Variants in FXR2 observed in about 807,000 individuals in gnomAD.
FXR2 encodes the protein FMR1 autosomal homolog 2.
Under a neutral mutation model 87.3 loss-of-function variants are expected in FXR2, and 9 were observed. The observed-to-expected ratio is 0.10, with a 90% confidence interval of 0.06 to 0.18. FXR2 has a LOEUF of 0.18. FXR2 is among the 10% of genes least tolerant of loss of function. The pLI is 1.00. For synonymous variants in FXR2, 331 were observed against 328.3 expected (o/e 1.01, Z -0.09); for missense variants, 661 against 893.6 (o/e 0.74, Z 3.32).
rs1329987957 is a variant in FXR2, at chr17:7,595,276, G to A, written c.832-519C>T. 6.6e-6 allele frequency among the ~76,000 whole-genome samples: 1 copy of A among 151,958 alleles called. No homozygotes were observed. The highest frequency in any genetic ancestry group is 2.4e-5 in the African/African-American group (1 of 41,374). ...CAACCAGCTTGGGCAACAGAGATCT[G>A]GTCTATTTTTTTGATTTTTTGGTCT... is the stretch of plus-strand genomic sequence containing the variant. On this transcript the variant is annotated intron_variant, in intron 8 of 16. Transcript: ENST00000250113. This position sits in a 1 kb window ranked among gnomAD's most constrained non-coding sequence, Gnocchi z 4.7.
At chr17:7,610,615 T>A (rs2071855625) in intron 1 of FXR2, among the ~76,000 whole-genome samples, 2 of 152,232 alleles carry the variant, frequency 1.3e-5, no homozygotes, top group Admixed American at 1.3e-4. Context: ...CCCAACTTCA[T>A]ATTCCAATCC....
Position 7,592,604 on chromosome 17 carries a change from A to T in FXR2, c.1730-5T>A, listed in dbSNP as rs1313044486. 6.2e-7 allele frequency: 1 copy of T among 1,613,566 alleles called. No homozygotes were observed. Among genetic ancestry groups the T allele is most frequent in the Non-Finnish European group, 8.5e-7 (1 of 1,179,722 alleles). On this transcript the variant is annotated splice_polypyrimidine_tract_variant and splice_region_variant and intron_variant, in intron 14 of 16. Coordinates refer to ENST00000250113, the MANE Select transcript of FXR2 (RefSeq NM_004860.4). This position sits in a 1 kb window ranked among gnomAD's most constrained non-coding sequence, Gnocchi z 4.8. ...GTTGAGGTCTTGATTCATCTTCTGT[A>T]GGGTAGGAAAAAACCAGAGTCACAC...
At position 7,614,595 on chromosome 17, in the gene FXR2, G is replaced by A. The variant is rs1367811035; in HGVS notation, c.-63C>T. The A allele has an allele frequency of 1.9e-6, 2 of 1,069,864 alleles. No homozygotes were observed. The highest frequency in any genetic ancestry group is 6.5e-5 in the East Asian group (2 of 30,642). 66.3% of individuals were successfully genotyped at this position (1,069,864 alleles called of 1,614,324 possible). ...GCAGCAGCAGTCTGAGTGCGGGCCG[G>A]GCCAGGCCCCCGGCGTCTCCCCGGA... On this transcript the variant is annotated 5_prime_UTR_variant, in exon 1 of 17. Transcript: ENST00000250113.
rs760629892 is a variant in FXR2 at position 7,605,753 on chromosome 17, A to G, written c.135-15T>C. 7.0e-7 allele frequency: 1 copy of G among 1,425,810 alleles called. No individual in the cohort carries two copies. The highest frequency in any genetic ancestry group is 1.2e-5 in the South Asian group (1 of 84,228). The allele number at this position is 1,425,810 out of a possible 1,614,324, so 88.3% of individuals were successfully genotyped here. On this transcript the variant is annotated splice_polypyrimidine_tract_variant and intron_variant, in intron 2 of 16. Transcript: ENST00000250113. ...CACTCTGCCAGCTATAATAGAAACAATAATATGAAAAAGCTACTCTGACTG... is the reference window on the plus strand; with the variant it reads ...CACTCTGCCAGCTATAATAGAAACAGTAATATGAAAAAGCTACTCTGACTG...
rs535489419 is a variant in FXR2, at chr17:7,611,104, C to T, written c.81+3348G>A. Among the ~76,000 whole-genome samples the T allele has an allele frequency of 2.6e-5, 4 of 152,190 alleles. No homozygotes were observed. In the South Asian group the frequency reaches 6.2e-4, roughly 24 times the overall value. On this transcript the variant is annotated intron_variant, in intron 1 of 16. Coordinates refer to ENST00000250113, the MANE Select transcript of FXR2 (RefSeq NM_004860.4). ...TGAGGTTTGGAGTAGGAAGATTGCG[C>T]CCTGGACGGTGAATACTTCATTTGG...
At chr17:7,600,453 A>G (rs912740879) in intron 7 of FXR2, among the ~76,000 whole-genome samples, 4 of 152,094 alleles carry the variant, frequency 2.6e-5, no homozygotes, top group South Asian at 2.1e-4. Context: ...CCAAAGTGCT[A>G]AAGTGCTGCG....
chr17:7,603,302 C>A (rs546058075), intron 5 of FXR2, among the ~76,000 whole-genome samples: 3 of 151,220 alleles, frequency 2.0e-5, no homozygotes, highest in South Asian at 4.2e-4. Flanking sequence ...CTGAGGCAGG[C>A]GGATCACTTG....
Position 7,595,975 on chromosome 17 carries a change from G to A in FXR2, c.680C>T (p.Ala227Val). 2 of 1,613,156 alleles carry A rather than the reference G, an allele frequency of 1.2e-6. No homozygotes were observed. Among genetic ancestry groups the A allele is most frequent in the Middle Eastern group, 1.7e-4 (1 of 6,060 alleles). Residue 227 changes from alanine (A) to valine (V), a missense_variant, in exon 8 of 17, where the codon GCA becomes GTA. Around this residue, in one of 3 missense-constraint regions of FXR2, gnomAD observed 82 missense variants for 214.4 expected, o/e 0.38. Coordinates refer to ENST00000250113, the MANE Select transcript of FXR2 (RefSeq NM_004860.4). This position sits in a 1 kb window ranked among gnomAD's most constrained non-coding sequence, Gnocchi z 4.7. The part of the protein sequence containing the change: ...KHLETSKQLA[A>V]AFQEEFTVRE... ...CACTGTGAACTCCTCTTGGAAGGCT[G>A]CTGCCAACTGCTTGCTTGTCTGAAA...
rs1176889952 is a variant in FXR2 at position 7,595,380 on chromosome 17, G to A, written c.831+444C>T. Among the ~76,000 whole-genome samples, 2 of 152,152 alleles carry A rather than the reference G, an allele frequency of 1.3e-5. No homozygotes were observed. Among genetic ancestry groups the A allele is most frequent in the African/African-American group, 4.8e-5 (2 of 41,440 alleles). On this transcript the variant is annotated intron_variant, in intron 8 of 16. Transcript: ENST00000250113. The surrounding 1 kb of genome is among the most constrained non-coding windows in gnomAD (Gnocchi z 4.7). ...TGCAGCCTTGACTTTCCAGGCTCAA[G>A]TGATCCTCCTGCCTCCGCCTCCCAA...
At chr17:7,606,355 G>A (rs1366510076) in intron 1 of FXR2, among the ~76,000 whole-genome samples, 1 of 152,096 alleles carries the variant, frequency 6.6e-6, no homozygotes, top group African/African-American at 2.4e-5. Context: ...TCATGGAGAG[G>A]TGTATGTACC....
intron 5 of FXR2, among the ~76,000 whole-genome samples, chr17:7,603,544 A>AAT (rs1422734636): frequency 3.3e-5 from 5 of 149,254 alleles, no homozygotes; most frequent in African/African-American, 1.2e-4. Context: ...AAAAAAAAAA[A>AAT]GAAAGAAAGG....
intron 6 of FXR2, among the ~76,000 whole-genome samples, chr17:7,601,995 G>A (rs1036088422): frequency 3.3e-5 from 5 of 152,178 alleles, no homozygotes; most frequent in African/African-American, 1.2e-4. Context: ...GACTATCAGG[G>A]TACTGAAGGA....
At chr17:7,608,294 T>C (rs1412980860) in intron 1 of FXR2, among the ~76,000 whole-genome samples, 1 of 151,598 alleles carries the variant, frequency 6.6e-6, no homozygotes, top group Admixed American at 6.6e-5. Context: ...GCACTGTCTG[T>C]TGAAGACTAT....
intron 1 of FXR2, among the ~76,000 whole-genome samples, chr17:7,609,974 G>GTATATATATA (rs1567753882): frequency 1.1e-5 from 1 of 94,730 alleles, no homozygotes; most frequent in Non-Finnish European, 2.6e-5. Context: ...ACATGTATAT[G>GTATATATATA]TATACATATA....
intron 6 of FXR2, among the ~76,000 whole-genome samples, chr17:7,602,030 A>G (rs1157505237): frequency 5.3e-5 from 8 of 152,216 alleles, no homozygotes. Context: ...GAAAGCAAGG[A>G]GCAAGCATAA....
rs774775998 is a variant in FXR2, at chr17:7,592,744, A to T, written c.1679T>A (p.Met560Lys). Reference protein sequence around the residue: ...RRRTDEDRTVMDGGLESDGPN... With the variant: ...RRRTDEDRTVKDGGLESDGPN... Reference sequence around the variant, plus strand: ...CCCATCTGATTCCAGGCCTCCATCCATGACGGTCCTGTCTTCATCAGTGCG... The same window carrying T: ...CCCATCTGATTCCAGGCCTCCATCCTTGACGGTCCTGTCTTCATCAGTGCG... Residue 560 changes from methionine to lysine, a missense_variant, in exon 14 of 17, where the codon ATG becomes AAG. Met to Lys is a moderately conservative substitution (Grantham distance 95). Coordinates refer to ENST00000250113, the MANE Select transcript of FXR2 (RefSeq NM_004860.4). The surrounding 1 kb of genome is among the most constrained non-coding windows in gnomAD (Gnocchi z 4.8). The T allele has an allele frequency of 9.3e-6, 15 of 1,612,420 alleles. No homozygotes were observed. The highest frequency in any genetic ancestry group is 2.7e-5 in the African/African-American group (2 of 74,360).
At chr17:7,614,186 C>A (rs538446789) in intron 1 of FXR2, 6 of 664,888 alleles carry the variant, frequency 9.0e-6, no homozygotes, top group African/African-American at 8.9e-5. Flanking sequence ...GAGCGGGGAG[C>A]GCCAAGCCAG....
At chr17:7,606,041 T>G in intron 2 of FXR2, 56 bp downstream of exon 2, 4 of 1,175,058 alleles carry the variant, frequency 3.4e-6, no homozygotes, top group Middle Eastern at 1.9e-4. Context: ...TGCCCCCTCT[T>G]CTCCACTCTC....
At chr17:7,596,216 G>A (rs1048692589) in intron 7 of FXR2, 6 of 438,184 alleles carry the variant, frequency 1.4e-5, no homozygotes, top group African/African-American at 1.2e-4. Flanking sequence ...GGAGTGCAGT[G>A]GCGCGATCTC....
Sources: allele counts gnomAD v4.1 joint callset (sites outside exome capture counted in the v4.1 genomes callset), GRCh38; gene constraint gnomAD v4.1.1; regional missense constraint gnomAD v4.1.1; non-coding constraint Gnocchi (gnomAD v3.1); transcripts MANE v1.5; gene names NCBI Gene and HGNC (gene_info 2026-07-23, HGNC 2026-07-21).